COPRS: variants seen among roughly 807,000 people sequenced by gnomAD.
COPRS encodes the protein cooperator of PRMT5.
A neutral mutation model predicts 19.9 loss-of-function variants in COPRS; 11 were observed. The observed-to-expected ratio is 0.55, with a 90% CI of 0.35 to 0.92. The LOEUF is 0.92. Among genes scored for constraint, COPRS ranks in the 40% least tolerant of loss-of-function variants. The pLI is 0.01. For synonymous variants in COPRS, 81 were observed against 82.7 expected, an observed-to-expected ratio of 0.98 and a Z score of 0.11; for missense variants, 225 against 229.9, an observed-to-expected ratio of 0.98 and a Z score of 0.14.
At chr17:31,854,293 C>G (rs368117448) in intron 2 of COPRS, among the ~76,000 whole-genome samples, 55 of 138,396 alleles carry the variant, frequency 4.0e-4, no homozygotes, top group African/African-American at 1.5e-3. Context: ...TCGCTTGAAC[C>G]TGGGAGGTGG....
rs921554488 is a variant in COPRS, at chr17:31,858,979, G to T, written c.99+122C>A. Reference sequence around the variant, plus strand: ...AGCCCAAACAGCGCTCCGTGTCGCGGGGCGGCCCGAGGCCGGCCAGAGGCG... The same window carrying T: ...AGCCCAAACAGCGCTCCGTGTCGCGTGGCGGCCCGAGGCCGGCCAGAGGCG... On this transcript the variant is annotated intron_variant, in intron 1 of 3. Transcript: ENST00000302362. 2.2e-6 allele frequency: 3 copies of T among 1,357,582 alleles called. No homozygotes were observed. In the African/African-American group the frequency reaches 4.7e-5, roughly 21 times the overall value. The allele number at this position is 1,357,582 out of a possible 1,614,324, so 84.1% of individuals were successfully genotyped here. A position where few individuals can be genotyped will look rare whatever the true frequency, so the allele number is the denominator to read the frequency against.
intron 1 of COPRS, chr17:31,858,842 C>T: frequency 6.5e-7 from 1 of 1,548,440 alleles, no homozygotes; most frequent in Non-Finnish European, 8.7e-7. Flanking sequence ...GCAGCGGCGC[C>T]CAGCGGGCGG....
chr17:31,858,694 TC>T, intron 1 of COPRS: 1 of 1,477,110 alleles, frequency 6.8e-7, no homozygotes, highest in Non-Finnish European at 9.3e-7. Flanking sequence ...TTAGCTGGCA[TC>T]CCCACCAACG....
intron 2 of COPRS, among the ~76,000 whole-genome samples, chr17:31,855,566 A>G (rs992656402): frequency 2.0e-5 from 3 of 151,952 alleles, no homozygotes; most frequent in Non-Finnish European, 2.9e-5. Context: ...CACGCCTGTA[A>G]TCCCAGCTAC....
chr17:31,852,751 C>T, intron 3 of COPRS, 61 bp downstream of exon 3: 2 of 1,215,314 alleles, frequency 1.6e-6, no homozygotes, highest in South Asian at 2.4e-5. Context: ...GCCTTCAGGG[C>T]TGGTCTGACA....
chr17:31,853,866 C>T (rs76979613), intron 2 of COPRS, among the ~76,000 whole-genome samples: 4,791 of 152,134 alleles, frequency 0.031, 142 homozygotes, highest in Middle Eastern at 0.051. Flanking sequence ...CTCACAATAA[C>T]GGAGGAAAGA....
Position 31,852,301 on chromosome 17 carries a change from G to A in COPRS, c.393C>T (p.Asp131=), listed in dbSNP as rs759261914. 18 of 1,604,526 alleles carry A rather than the reference G, an allele frequency of 1.1e-5. No individual in the cohort carries two copies. Among genetic ancestry groups the A allele is most frequent in the Admixed American group, 3.4e-5 (2 of 58,262 alleles). The change falls in exon 4 of 4, where the codon GAC becomes GAT. Residue 131 remains aspartate (D), a synonymous_variant. Transcript: ENST00000302362. ...CTTGAGAAATGCTCTCCTGGATGTC[G>A]TCAGCATCTGCAGGCAGTTTTAAAA... ...KADQGNPYDA[D]DIQESISQEL...
intron 2 of COPRS, chr17:31,856,507 G>A (rs185505789): frequency 2.4e-4 from 95 of 397,236 alleles, no homozygotes; most frequent in African/African-American, 1.3e-3. Flanking sequence ...CCATTGGGGC[G>A]GGGGGGTCTT....
In COPRS at chr17:31,851,995, A is replaced by G; in HGVS notation, c.*144T>C. 3.6e-6 allele frequency: 3 copies of G among 836,706 alleles called. No individual in the cohort carries two copies. The highest frequency in any genetic ancestry group is 5.6e-6 in the Non-Finnish European group (3 of 535,682). 51.8% of individuals were successfully genotyped at this position (836,706 alleles called of 1,614,324 possible). A position where few individuals can be genotyped will look rare whatever the true frequency, so the allele number is the denominator to read the frequency against. ...CGAGAATGACGGGGCCTTATTGAAC[A>G]CTGTCAATAAGGAACACTGGTCTGT... On this transcript the variant is annotated 3_prime_UTR_variant, in exon 4 of 4. Coordinates refer to ENST00000302362, the MANE Select transcript of COPRS (RefSeq NM_018405.4).
intron 2 of COPRS, among the ~76,000 whole-genome samples, chr17:31,854,400 A>G (rs2142274571): frequency 6.8e-6 from 1 of 147,662 alleles, no homozygotes; most frequent in East Asian, 2.0e-4. Flanking sequence ...TTGAGCTGAA[A>G]TTTACTTAAC....
intron 1 of COPRS, among the ~76,000 whole-genome samples, 159 bp from the exon 2 acceptor site, chr17:31,857,024 G>A (rs1204640671): frequency 6.6e-6 from 1 of 152,208 alleles, no homozygotes; most frequent in Non-Finnish European, 1.5e-5. Context: ...GTTAAACTGA[G>A]CAAGGCTGGA....
rs1909189876 is a variant in COPRS at position 31,852,293 on chromosome 17, T to C, written c.401A>G (p.Gln134Arg). 8 of 1,607,930 alleles carry C rather than the reference T, an allele frequency of 5.0e-6. No homozygotes were observed. The highest frequency in any genetic ancestry group is 6.8e-6 in the Non-Finnish European group (8 of 1,176,606). Residue 134 changes from glutamine to arginine, a missense_variant, in exon 4 of 4, where the codon CAG becomes CGG. Physicochemically the swap from Gln to Arg is conservative, Grantham distance 43. Around this residue, in one of 3 missense-constraint regions of COPRS, gnomAD observed 170 missense variants for 171.4 expected, o/e 0.99. Transcript: ENST00000302362. ...QGNPYDADDIQESISQELKPW... is the reference protein window; with the variant it reads ...QGNPYDADDIRESISQELKPW... Reference sequence around the variant, plus strand: ...TTTAAGCTCTTGAGAAATGCTCTCCTGGATGTCGTCAGCATCTGCAGGCAG... The same window carrying C: ...TTTAAGCTCTTGAGAAATGCTCTCCCGGATGTCGTCAGCATCTGCAGGCAG...
chr17:31,855,122 TC>T (rs762624938), intron 2 of COPRS, among the ~76,000 whole-genome samples: 28 of 152,076 alleles, frequency 1.8e-4, no homozygotes, highest in Non-Finnish European at 3.5e-4. Context: ...ATGCCTGTAA[TC>T]CCAGCACTTT....
intron 2 of COPRS, among the ~76,000 whole-genome samples, chr17:31,855,749 A>C (rs1262155105): frequency 6.6e-6 from 1 of 151,724 alleles, no homozygotes; most frequent in Non-Finnish European, 1.5e-5. Context: ...TAATCCCAGC[A>C]CTCTGAGAGG....
At chr17:31,858,725 G>C in intron 1 of COPRS, 3 of 1,545,214 alleles carry the variant, frequency 1.9e-6, no homozygotes, top group Non-Finnish European at 2.6e-6. Flanking sequence ...CCACAGGTCT[G>C]TAAAGTCAAG....
Position 31,852,986 on chromosome 17 carries a change from C to G in COPRS, c.211G>C (p.Glu71Gln). 6.2e-7 allele frequency: 1 copy of G among 1,614,172 alleles called. No individual in the cohort carries two copies. The highest frequency in any genetic ancestry group is 8.5e-7 in the Non-Finnish European group (1 of 1,180,012). Residue 71 changes from glutamate (E) to glutamine (Q), a missense_variant, in exon 3 of 4, where the codon GAG becomes CAG. Coordinates refer to ENST00000302362, the MANE Select transcript of COPRS (RefSeq NM_018405.4). ...SIPNDSPARG[E>Q]GTHSEEEGFA... ...CCTTCCTCTTCAGAATGGGTGCCCT[C>G]ACCCCGGGCAGGACTGTCATTAGGA...
At chr17:31,857,903 T>C (rs1489170387) in intron 1 of COPRS, among the ~76,000 whole-genome samples, 1 of 152,188 alleles carries the variant, frequency 6.6e-6, no homozygotes, top group Non-Finnish European at 1.5e-5. Flanking sequence ...CCAATCAGCA[T>C]TCATTATCTA....
chr17:31,853,554 G>GT (rs1555571505), intron 2 of COPRS, among the ~76,000 whole-genome samples: 1 of 152,038 alleles, frequency 6.6e-6, no homozygotes, highest in Non-Finnish European at 1.5e-5. Flanking sequence ...TAATTTTTTT[G>GT]TATTTTTAGT....
At chr17:31,857,204 G>A (rs1403898860) in intron 1 of COPRS, among the ~76,000 whole-genome samples, 1 of 152,098 alleles carries the variant, frequency 6.6e-6, no homozygotes, top group East Asian at 1.9e-4. Context: ...CTGGGTCTCA[G>A]GACTCTCCTC....
Sources: gnomAD v4.1 joint callset for allele counts (sites outside exome capture counted in the v4.1 genomes callset) on GRCh38, gnomAD v4.1.1 for gene constraint, gnomAD v4.1.1 regional missense constraint, MANE v1.5 for transcripts, NCBI Gene and HGNC (gene_info 2026-07-23, HGNC 2026-07-21) for gene names.